INTS3: variants seen among roughly 807,000 people sequenced by gnomAD.
The protein encoded by INTS3 is integrator complex subunit 3.
In INTS3, 34 loss-of-function variants were observed where a neutral mutation model predicts 146.3. The ratio of observed to expected loss-of-function variants is 0.23; its 90% CI spans 0.18 to 0.31. The LOEUF (loss-of-function observed/expected upper bound fraction) is 0.31, where lower values mean the gene tolerates loss of function less well. INTS3 is among the 10% of genes least tolerant of loss of function. The pLI is 1.00. For missense variants in INTS3, 757 were observed against 1,304.2 expected, an observed-to-expected ratio of 0.58 and a Z score of 6.46; for synonymous variants, 475 against 494.9, an observed-to-expected ratio of 0.96 and a Z score of 0.53.
At position 153,741,336 on chromosome 1, in the gene INTS3, C is replaced by G. The variant is rs1386501609; in HGVS notation, c.286C>G (p.Leu96Val). The G allele has an allele frequency of 2.5e-6, 4 of 1,613,994 alleles. No individual in the cohort carries two copies. In the Admixed American group the frequency reaches 5.0e-5, roughly 20 times the overall value. The change falls in exon 3 of 30, where the codon CTC becomes GTC. Residue 96 changes from leucine to valine, a missense_variant. By Grantham distance (32) the Leu-to-Val change is conservative. Transcript: ENST00000318967. ...HEEICLGLFT[L>V]ILTEPAQAQK... ...AGAAATCTGCCTGGGCCTGTTTACT[C>G]TCATCCTCACTGAACCTGCCCAAGC...
At chr1:153,761,499 A>G in intron 13 of INTS3, 71 bp from the exon 14 acceptor site, 1 of 1,100,738 alleles carries the variant, frequency 9.1e-7, no homozygotes, top group Non-Finnish European at 1.4e-6. Flanking sequence ...GATGAGAGTG[A>G]CACTCTGTCT....
In INTS3 at chr1:153,772,282, G is replaced by A; in HGVS notation, c.2721-58G>A. ...AAGGGGGCCCTGGCGGGTGGAGGGT[G>A]TCTCGCACTCTGGAACCCTCCCACA... On this transcript the variant is annotated intron_variant, in intron 26 of 29. Transcript: ENST00000318967. This position sits in a 1 kb window ranked among gnomAD's most constrained non-coding sequence, Gnocchi z 4.6. 1 of 1,573,828 alleles carries A rather than the reference G, an allele frequency of 6.4e-7. No homozygotes were observed. The highest frequency in any genetic ancestry group is 2.2e-5 in the East Asian group (1 of 44,532).
At chr1:153,761,889 A>T (rs899363885) in intron 14 of INTS3, among the ~76,000 whole-genome samples, 4 of 152,120 alleles carry the variant, frequency 2.6e-5, no homozygotes, top group Non-Finnish European at 5.9e-5. Flanking sequence ...TGACTTGCTC[A>T]TCTTTCTTGT....
Position 153,741,407 on chromosome 1 carries a change from A to G in INTS3, c.318+39A>G, listed in dbSNP as rs73013744. 1,469 of 1,413,524 alleles carry G rather than the reference A, an allele frequency of 1.0e-3. 15 individuals carry two copies. The African/African-American group carries it at 0.017, about 17-fold the overall frequency. 87.6% of individuals were successfully genotyped at this position (1,413,524 alleles called of 1,614,324 possible). A position where few individuals can be genotyped will look rare whatever the true frequency, so the allele number is the denominator to read the frequency against. On this transcript the variant is annotated intron_variant, in intron 3 of 29. Transcript: ENST00000318967. ...CTCTGGACCCATAAACCCTCCTCAT[A>G]TATGATCTGGGATATGGTGGAACTT...
rs1671950400 is a variant in INTS3, at chr1:153,751,319, G to C, written c.729+80G>C. ...TCTGGAGGTTTATGCAGTGGAGTCA[G>C]AAATACCTTGTTAGAGATGAAGGTG... On this transcript the variant is annotated intron_variant, in intron 7 of 29. Transcript: ENST00000318967. 7 of 1,383,974 alleles carry C rather than the reference G, an allele frequency of 5.1e-6. No homozygotes were observed. The East Asian group carries it at 1.6e-4, about 32-fold the overall frequency. 85.7% of individuals were successfully genotyped at this position (1,383,974 alleles called of 1,614,324 possible). A position where few individuals can be genotyped will look rare whatever the true frequency, so the allele number is the denominator to read the frequency against.
chr1:153,750,522 T>C (rs1671919007), intron 6 of INTS3, among the ~76,000 whole-genome samples: 1 of 152,116 alleles, frequency 6.6e-6, no homozygotes, highest in African/African-American at 2.4e-5. Context: ...AGTGACTAGA[T>C]AGAGCCAGGG....
chr1:153,738,251 A>AC (rs1181976922), intron 1 of INTS3, among the ~76,000 whole-genome samples: 13 of 152,082 alleles, frequency 8.5e-5, no homozygotes, highest in Non-Finnish European at 1.8e-4. Flanking sequence ...GGCATGCACA[A>AC]CCATGCTCAG....
chr1:153,764,451 G>T (rs1291261158), intron 18 of INTS3, among the ~76,000 whole-genome samples: 7 of 152,228 alleles, frequency 4.6e-5, no homozygotes, highest in African/African-American at 1.7e-4. Flanking sequence ...GCTGGGCCCA[G>T]TAACTCTAAT....
chr1:153,759,158 G>T (rs1379507972), intron 10 of INTS3, among the ~76,000 whole-genome samples: 1 of 151,492 alleles, frequency 6.6e-6, no homozygotes, highest in Non-Finnish European at 1.5e-5. Flanking sequence ...GGTGGTGCGT[G>T]CCTGTAGTCC....
At chr1:153,734,975 T>C (rs892337478) in intron 1 of INTS3, among the ~76,000 whole-genome samples, 1 of 152,126 alleles carries the variant, frequency 6.6e-6, no homozygotes, top group African/African-American at 2.4e-5. Flanking sequence ...AGTTTTTGTT[T>C]TGTTTTGTTT....
chr1:153,770,512 C>G (rs895393938), intron 24 of INTS3, among the ~76,000 whole-genome samples, 173 bp from the exon 25 acceptor site: 2 of 152,174 alleles, frequency 1.3e-5, no homozygotes, highest in African/African-American at 4.8e-5. Context: ...AGGCTCTGGG[C>G]TGGGGCTCAG....
Position 153,761,412 on chromosome 1 carries a change from AG to A in INTS3, c.1410-156del. On this transcript the variant is annotated intron_variant, in intron 13 of 29. Coordinates refer to ENST00000318967, the MANE Select transcript of INTS3 (RefSeq NM_023015.5). ...GTAATCCTAGCTACTTGAGAGGCTG[AG>A]GCACAAGAATCGCTTGAATCCGGGA... 6.7e-6 allele frequency: 4 copies of A among 598,282 alleles called. 1 individual carries two copies. The South Asian group carries it at 8.3e-5, about 12-fold the overall frequency. The allele number at this position is 598,282 out of a possible 1,614,324, so 37.1% of individuals were successfully genotyped here. A position where few individuals can be genotyped will look rare whatever the true frequency, so the allele number is the denominator to read the frequency against.
At position 153,740,823 on chromosome 1, in the gene INTS3, G is replaced by T. The variant is rs1671501950; in HGVS notation, c.234+89G>T. On this transcript the variant is annotated intron_variant, in intron 2 of 29. Coordinates refer to ENST00000318967, the MANE Select transcript of INTS3 (RefSeq NM_023015.5). ...AAGATGGAAAGACTAAGTGGTTGGG[G>T]GTAGGGGACTGAAATTCATCAAGTC... 3 of 1,039,652 alleles carry T rather than the reference G, an allele frequency of 2.9e-6. No individual in the cohort carries two copies. In the South Asian group the frequency reaches 3.8e-5, roughly 13 times the overall value. The allele number at this position is 1,039,652 out of a possible 1,614,324, so 64.4% of individuals were successfully genotyped here. A position where few individuals can be genotyped will look rare whatever the true frequency, so the allele number is the denominator to read the frequency against.
chr1:153,764,291 G>A, intron 18 of INTS3, 70 bp downstream of exon 18: 1 of 1,021,210 alleles, frequency 9.8e-7, no homozygotes, highest in Non-Finnish European at 1.6e-6. Flanking sequence ...GAGTCCAAGA[G>A]ACCCCTTACT....
chr1:153,760,972 G>C, intron 13 of INTS3, 54 bp downstream of exon 13: 1 of 1,584,500 alleles, frequency 6.3e-7, no homozygotes, highest in Non-Finnish European at 8.7e-7. Context: ...ATTAGGTCCA[G>C]GTGTATCCAA....
At chr1:153,745,875 G>T (rs144282959) in intron 3 of INTS3, among the ~76,000 whole-genome samples, 1 of 152,176 alleles carries the variant, frequency 6.6e-6, no homozygotes, top group Non-Finnish European at 1.5e-5. Context: ...GGAGGCCGAG[G>T]TGGGAGAATC....
intron 7 of INTS3, chr1:153,752,057 A>G: frequency 1.8e-6 from 1 of 547,870 alleles, no homozygotes; most frequent in South Asian, 2.2e-5. Flanking sequence ...GGGCTTCAGC[A>G]CTTCCCACTA....
chr1:153,728,272 A>G lies in INTS3; in HGVS notation c.-363A>G. The G allele has an allele frequency of 2.6e-6, 1 of 387,622 alleles. No homozygotes were observed. The highest frequency in any genetic ancestry group is 4.5e-5 in the Admixed American group (1 of 22,354). The allele number at this position is 387,622 out of a possible 1,614,324, so 24.0% of individuals were successfully genotyped here. On this transcript the variant is annotated 5_prime_UTR_variant, in exon 1 of 30. Coordinates refer to ENST00000318967, the MANE Select transcript of INTS3 (RefSeq NM_023015.5). ...TTTTCCCCCCACGGGGAAAAGAGGCAGAAACTTAGGGGTTTCCCTCCTTTC... is the reference window on the plus strand; with the variant it reads ...TTTTCCCCCCACGGGGAAAAGAGGCGGAAACTTAGGGGTTTCCCTCCTTTC...
At chr1:153,763,961 C>T in intron 17 of INTS3, 75 bp downstream of exon 17, 2 of 1,446,488 alleles carry the variant, frequency 1.4e-6, no homozygotes, top group East Asian at 2.3e-5. Flanking sequence ...GGGAAGACAA[C>T]TCACTTTTTC....
Sources: allele counts gnomAD v4.1 joint callset (sites outside exome capture counted in the v4.1 genomes callset), GRCh38; gene constraint gnomAD v4.1.1; non-coding constraint Gnocchi (gnomAD v3.1); transcripts MANE v1.5; gene names NCBI Gene and HGNC (gene_info 2026-07-23, HGNC 2026-07-21).